The following MTREX variants were observed in gnomAD, a reference collection of about 807,000 sequenced individuals.
MTREX encodes the protein Mtr4 exosome RNA helicase, also known as exosome RNA helicase MTR4.
A neutral mutation model predicts 135.4 loss-of-function variants in MTREX; 76 were observed. The ratio of observed to expected loss-of-function variants is 0.56; its 90% CI spans 0.47 to 0.68. MTREX has a LOEUF of 0.68. Ranked by LOEUF, MTREX falls within the 30% of genes least tolerant of loss-of-function variation. The probability of loss-of-function intolerance (pLI) is 0.00; values close to 1 mark genes in which losing one functional copy is unlikely to be tolerated. For missense variants in MTREX, 920 were observed against 1,262.1 expected (o/e 0.73, Z 4.11); for synonymous variants, 404 against 401.6 (o/e 1.01, Z -0.07).
intron 19 of MTREX, among the ~76,000 whole-genome samples, chr5:55,395,417 T>C (rs1750631651): frequency 6.6e-6 from 1 of 151,528 alleles, no homozygotes; most frequent in African/African-American, 2.4e-5. Flanking sequence ...AAAAATAAAA[T>C]AAATAAAATA....
At position 55,358,693 on chromosome 5, in the gene MTREX, C is replaced by G; in HGVS notation, c.1654C>G (p.Leu552Val). 2 of 1,590,776 alleles carry G rather than the reference C, an allele frequency of 1.3e-6. No homozygotes were observed. The highest frequency in any genetic ancestry group is 1.2e-5 in the South Asian group (1 of 86,092). The change falls in exon 15 of 27, where the codon CTT becomes GTT. Residue 552 changes from leucine to valine, a missense_variant. Coordinates refer to ENST00000230640, the MANE Select transcript of MTREX (RefSeq NM_015360.5). ...KMSPTIGKQLLKGSADPLNSA... is the reference protein window; with the variant it reads ...KMSPTIGKQLVKGSADPLNSA... ...GAGCCCAACAATTGGAAAACAATTA[C>G]TTAAGGTAACTACATTAAGATTGTG...
At chr5:55,408,293 GT>G (rs1269460189) in intron 22 of MTREX, among the ~76,000 whole-genome samples, 1 of 152,054 alleles carries the variant, frequency 6.6e-6, no homozygotes, top group Non-Finnish European at 1.5e-5. Flanking sequence ...CTTCAATCTG[GT>G]TTTAGGCTCC....
chr5:55,422,852 CA>C, intron 25 of MTREX, 25 bp from the exon 26 acceptor site: 7 of 1,576,754 alleles, frequency 4.4e-6, no homozygotes, highest in Non-Finnish European at 6.1e-6. Flanking sequence ...TCCATTTTAC[CA>C]GTGTTTTGTT....
At chr5:55,319,594 A>G (rs778904366) in intron 1 of MTREX, among the ~76,000 whole-genome samples, 1 of 152,230 alleles carries the variant, frequency 6.6e-6, no homozygotes, top group Non-Finnish European at 1.5e-5. Context: ...CTTATGAACT[A>G]AGAAGAATAA....
chr5:55,330,559 T>C (rs1749459810), intron 5 of MTREX, among the ~76,000 whole-genome samples: 2 of 150,836 alleles, frequency 1.3e-5, no homozygotes, highest in Non-Finnish European at 2.9e-5. Flanking sequence ...TGTTACTACT[T>C]CGTTTATCTG....
chr5:55,396,005 C>T (rs2111581738), intron 19 of MTREX, among the ~76,000 whole-genome samples: 1 of 152,270 alleles, frequency 6.6e-6, no homozygotes, highest in South Asian at 2.1e-4. Context: ...ATATCATTGT[C>T]TCGACATTAG....
At chr5:55,422,184 CTCCTCT>C (rs1400184958) in intron 25 of MTREX, among the ~76,000 whole-genome samples, 3 of 152,166 alleles carry the variant, frequency 2.0e-5, no homozygotes, top group African/African-American at 7.2e-5. Context: ...ACAATCTCTG[CTCCTCT>C]TTGCACAAGT....
intron 13 of MTREX, among the ~76,000 whole-genome samples, chr5:55,351,512 A>G (rs1014354066): frequency 2.6e-5 from 4 of 152,190 alleles, no homozygotes; most frequent in African/African-American, 7.2e-5. Context: ...AGCCTGGACA[A>G]CAAGAGCAAA....
intron 7 of MTREX, among the ~76,000 whole-genome samples, chr5:55,342,627 A>G (rs1428544641): frequency 6.6e-6 from 1 of 152,226 alleles, no homozygotes; most frequent in Non-Finnish European, 1.5e-5. Context: ...TAAATGTTTA[A>G]TATGTACACG....
chr5:55,320,044 G>T (rs1749262536), intron 1 of MTREX, among the ~76,000 whole-genome samples: 1 of 152,118 alleles, frequency 6.6e-6, no homozygotes, highest in African/African-American at 2.4e-5. Flanking sequence ...TCCAGAAGAG[G>T]TTCACATAAG....
chr5:55,372,941 TG>T (rs1750229038), intron 16 of MTREX, among the ~76,000 whole-genome samples: 1 of 141,196 alleles, frequency 7.1e-6, no homozygotes, highest in Non-Finnish European at 1.6e-5. Flanking sequence ...TGTGTGTGTG[TG>T]TTTGTCTATG....
chr5:55,367,682 G>C (rs1041130404), intron 16 of MTREX, among the ~76,000 whole-genome samples: 3 of 152,190 alleles, frequency 2.0e-5, no homozygotes, highest in African/African-American at 7.2e-5. Context: ...TAAATGTCCT[G>C]TGGTAATTAT....
intron 18 of MTREX, among the ~76,000 whole-genome samples, chr5:55,380,109 T>C (rs1468804122): frequency 6.6e-6 from 1 of 151,984 alleles, no homozygotes; most frequent in African/African-American, 2.4e-5. Flanking sequence ...CTAATTTTTT[T>C]TTTTTGTATT....
intron 2 of MTREX, 119 bp from the exon 3 acceptor site, chr5:55,324,013 C>T (rs752647316): frequency 4.7e-5 from 32 of 675,172 alleles, no homozygotes; most frequent in Non-Finnish European, 7.5e-5. Context: ...AAAGTTTTTC[C>T]TATTTGGAAT....
At position 55,308,077 on chromosome 5, in the gene MTREX, G is replaced by A. The variant is rs1303630836; in HGVS notation, c.64G>A (p.Gly22Arg). ...CGAGGGCGACTCGACCACTGCGGCG[G>A]GAACCAAAAAAGACAAGGAAAAGGA... Reference protein sequence around the residue: ...VFEGDSTTAAGTKKDKEKDKG... With the variant: ...VFEGDSTTAARTKKDKEKDKG... The change falls in exon 1 of 27, where the codon GGA (glycine) becomes AGA (arginine). Residue 22 changes from glycine to arginine, a missense_variant. By Grantham distance (125) the Gly-to-Arg change is moderately radical. Around this residue, in one of 6 missense-constraint regions of MTREX, gnomAD observed 136 missense variants for 126.7 expected, o/e 1.07. Coordinates refer to ENST00000230640, the MANE Select transcript of MTREX (RefSeq NM_015360.5). The A allele has an allele frequency of 6.2e-7, 1 of 1,613,776 alleles. No homozygotes were observed. The highest frequency in any genetic ancestry group is 2.2e-5 in the East Asian group (1 of 44,854).
chr5:55,337,949 C>T (rs1749581321), intron 5 of MTREX, among the ~76,000 whole-genome samples: 1 of 152,058 alleles, frequency 6.6e-6, no homozygotes, highest in African/African-American at 2.4e-5. Context: ...AACTAAATCA[C>T]AGTCACAATT....
chr5:55,324,952 CT>C (rs1360152766), intron 3 of MTREX, among the ~76,000 whole-genome samples: 1 of 152,118 alleles, frequency 6.6e-6, no homozygotes, highest in African/African-American at 2.4e-5. Flanking sequence ...AGGTTACATG[CT>C]ATTTCATGTC....
At chr5:55,340,802 C>G (rs926656334) in intron 6 of MTREX, among the ~76,000 whole-genome samples, 1 of 152,056 alleles carries the variant, frequency 6.6e-6, no homozygotes. Context: ...AGTATGGTCT[C>G]TATCTCCTGA....
At position 55,396,699 on chromosome 5, in the gene MTREX, C is replaced by A. The variant is rs116440609; in HGVS notation, c.2182-717C>A. On this transcript the variant is annotated intron_variant, in intron 19 of 26. Coordinates refer to ENST00000230640, the MANE Select transcript of MTREX (RefSeq NM_015360.5). ...TGAAGACTGAGTTCAATCACTGTAC[C>A]GTTTTTGTTCAGTAAAGCACTGTGA... Among the ~76,000 whole-genome samples, 688 of 152,214 alleles carry A rather than the reference C, an allele frequency of 4.5e-3. 5 individuals are homozygous for A. Among genetic ancestry groups the A allele is most frequent in the African/African-American group, 0.015 (638 of 41,524 alleles).
Sources: allele counts gnomAD v4.1 joint callset (sites outside exome capture counted in the v4.1 genomes callset), GRCh38; gene constraint gnomAD v4.1.1; regional missense constraint gnomAD v4.1.1; transcripts MANE v1.5; gene names NCBI Gene and HGNC (gene_info 2026-07-23, HGNC 2026-07-21).